Variants in CPLANE1 observed in about 807,000 individuals in gnomAD.
CPLANE1 encodes the protein ciliogenesis and planar polarity effector 1.
CPLANE1 carries 263 observed loss-of-function variants against 362.5 expected under a neutral mutation model. The observed-to-expected ratio is 0.73, with a 90% CI of 0.66 to 0.80. CPLANE1 has a LOEUF of 0.80. CPLANE1 is among the 30% of genes least tolerant of loss of function. CPLANE1 has a pLI of 0.00. For missense variants in CPLANE1, 3,461 were observed against 3,793.4 expected, an observed-to-expected ratio of 0.91 and a Z score of 2.30; for synonymous variants, 1,212 against 1,302.6, an observed-to-expected ratio of 0.93 and a Z score of 1.50.
In CPLANE1 at chr5:37,209,338, C is replaced by A; in HGVS notation, c.2921-2913G>T. On this transcript the variant is annotated intron_variant, in intron 16 of 52. Transcript: ENST00000651892. The surrounding 1 kb of genome is among the most constrained non-coding windows in gnomAD (Gnocchi z 4.6). ...TCGGGCCACGGCGGGGCGAGCGAGGCGGGCTCCGGAGGAAGCTGACGGCTG... is the reference window on the plus strand; with the variant it reads ...TCGGGCCACGGCGGGGCGAGCGAGGAGGGCTCCGGAGGAAGCTGACGGCTG... 2.2e-6 allele frequency: 2 copies of A among 901,664 alleles called. No homozygotes were observed. Among genetic ancestry groups the A allele is most frequent in the Non-Finnish European group, 1.9e-6 (1 of 535,750 alleles). The allele number at this position is 901,664 out of a possible 1,614,324, so 55.9% of individuals were successfully genotyped here. A position where few individuals can be genotyped will look rare whatever the true frequency, so the allele number is the denominator to read the frequency against.
In CPLANE1 at chr5:37,142,431, C is replaced by T. The variant is rs1770048594; in HGVS notation, c.8511G>A (p.Glu2837=). The T allele has an allele frequency of 6.2e-7, 1 of 1,608,170 alleles. No homozygotes were observed. Among genetic ancestry groups the T allele is most frequent in the Non-Finnish European group, 8.5e-7 (1 of 1,177,588 alleles). ...MDEEDQSDKK[E]TSEPEFSITE... Reference sequence around the variant, plus strand: ...TTATTGAAAATTCAGGTTCTGAAGTCTCCTTTTTGTCACTTTGATCTTCTT... The same window carrying T: ...TTATTGAAAATTCAGGTTCTGAAGTTTCCTTTTTGTCACTTTGATCTTCTT... Residue 2837 remains glutamate (E), a synonymous_variant, in exon 44 of 53, where the codon GAG becomes GAA. Transcript: ENST00000651892.
chr5:37,235,815 C>A (rs1317447493), intron 8 of CPLANE1, among the ~76,000 whole-genome samples: 1 of 151,564 alleles, frequency 6.6e-6, no homozygotes, highest in Non-Finnish European at 1.5e-5. Flanking sequence ...CGTGATCCGC[C>A]CACCTTGGCC....
intron 50 of CPLANE1, among the ~76,000 whole-genome samples, chr5:37,119,501 T>C (rs559394451): frequency 6.6e-6 from 1 of 151,704 alleles, no homozygotes; most frequent in African/African-American, 2.4e-5. Flanking sequence ...AGAAACCCCA[T>C]CTCTTCTAAA....
rs752126827 is a variant in CPLANE1, at chr5:37,169,037, T to C, written c.6987A>G (p.Gln2329=). ...GTTTTATAAACACTGAAGAGTCCTG[T>C]TGAGGTGTCAAATTTTCTTGTCCAA... ...QYVGQENLTP[Q]QDSSVFIKPE... The change falls in exon 34 of 53, where the codon CAA becomes CAG. Residue 2329 remains glutamine (Q), a synonymous_variant. Transcript: ENST00000651892. 3.1e-6 allele frequency: 5 copies of C among 1,614,206 alleles called. No homozygotes were observed. The highest frequency in any genetic ancestry group is 2.2e-5 in the East Asian group (1 of 44,890).
At chr5:37,111,132 T>C (rs1759156824) in intron 51 of CPLANE1, among the ~76,000 whole-genome samples, 1 of 142,366 alleles carries the variant, frequency 7.0e-6, no homozygotes, top group Non-Finnish European at 1.5e-5. Context: ...TATTCTTTTT[T>C]TGTTTTGAGA....
intron 43 of CPLANE1, among the ~76,000 whole-genome samples, chr5:37,144,714 G>A (rs925725517): frequency 9.2e-5 from 14 of 151,716 alleles, no homozygotes; most frequent in African/African-American, 2.7e-4. Context: ...AGCCGGGCGC[G>A]GTGGCGGGCA....
intron 12 of CPLANE1, among the ~76,000 whole-genome samples, chr5:37,225,744 C>T (rs1338217324): frequency 1.4e-5 from 2 of 146,626 alleles, no homozygotes; most frequent in South Asian, 2.2e-4. Flanking sequence ...CCCAGCTACT[C>T]GGGGGGCTGA....
At chr5:37,170,373 CAAAA>C in intron 32 of CPLANE1, 42 bp from the exon 33 acceptor site, 2 of 1,535,152 alleles carry the variant, frequency 1.3e-6, no homozygotes, top group South Asian at 1.2e-5. Context: ...TAAAATATAA[CAAAA>C]AGAATCTAAG....
At chr5:37,087,696 T>C in the CPLANE1 span, among the ~76,000 whole-genome samples, 5 of 152,170 alleles carry the variant, frequency 3.3e-5, no homozygotes, top group African/African-American at 1.2e-4. Flanking sequence ...GACCTCGTGA[T>C]CCACCCGCCT....
At chr5:37,119,238 A>G (rs1326376106) in intron 50 of CPLANE1, among the ~76,000 whole-genome samples, 2 of 152,190 alleles carry the variant, frequency 1.3e-5, no homozygotes, top group South Asian at 4.1e-4. Flanking sequence ...TAGCATTCCT[A>G]TTCTGTGATG....
chr5:37,225,223 TCC>T (rs1459297539), intron 12 of CPLANE1, among the ~76,000 whole-genome samples: 5 of 151,188 alleles, frequency 3.3e-5, no homozygotes, highest in Non-Finnish European at 7.4e-5. Flanking sequence ...CATCTCAGCC[TCC>T]CAGGTAGCTG....
intron 9 of CPLANE1, among the ~76,000 whole-genome samples, chr5:37,228,195 A>G (rs1329538167): frequency 6.6e-6 from 1 of 152,194 alleles, no homozygotes; most frequent in Non-Finnish European, 1.5e-5. Flanking sequence ...CTATCAGTAT[A>G]CTTTTTATTA....
At chr5:37,141,586 T>C (rs939105281) in intron 44 of CPLANE1, 1 of 958,860 alleles carries the variant, frequency 1.0e-6, no homozygotes, top group Admixed American at 6.2e-5. Flanking sequence ...TAAAATAGCA[T>C]TTTTACTGTT....
At chr5:37,156,005 A>C (rs1330723594) in intron 41 of CPLANE1, among the ~76,000 whole-genome samples, 2 of 152,216 alleles carry the variant, frequency 1.3e-5, no homozygotes, top group Non-Finnish European at 2.9e-5. Flanking sequence ...GAGAAGATGA[A>C]GGCTTTAAAA....
intron 9 of CPLANE1, among the ~76,000 whole-genome samples, chr5:37,230,069 G>C (rs1797371467): frequency 6.6e-6 from 1 of 151,912 alleles, no homozygotes; most frequent in Non-Finnish European, 1.5e-5. Flanking sequence ...CCAGCTACTT[G>C]GGAGGCTGAG....
Position 37,224,710 on chromosome 5 carries a change from T to C in CPLANE1, c.2322A>G (p.Lys774=), listed in dbSNP as rs770072253. 5.2e-6 allele frequency: 8 copies of C among 1,551,422 alleles called. 1 individual carries two copies. In the South Asian group the frequency reaches 8.3e-5, roughly 16 times the overall value. ...ATTGTGCTTGATACCATAAAGTTTT[T>C]TTGTACAGTATTCTCCAGAGAATAA... is the stretch of plus-strand genomic sequence containing the variant. ...RLLILWRILY[K]KTLWYQAQLN... Residue 774 remains lysine (K), a synonymous_variant, in exon 13 of 53, where the codon AAA becomes AAG. Transcript: ENST00000651892.
chr5:37,130,891 A>T (rs1176981212), intron 46 of CPLANE1, among the ~76,000 whole-genome samples: 1 of 152,254 alleles, frequency 6.6e-6, no homozygotes, highest in African/African-American at 2.4e-5. Context: ...GTCAGAAGTC[A>T]ACAAAATGGA....
At chr5:37,099,591 T>C in the CPLANE1 span, among the ~76,000 whole-genome samples, 1 of 152,228 alleles carries the variant, frequency 6.6e-6, no homozygotes, top group African/African-American at 2.4e-5. Context: ...TGAACAGTGC[T>C]GCAATGAACA....
intron 4 of CPLANE1, 70 bp from the exon 5 acceptor site, chr5:37,244,677 A>AT: frequency 2.3e-6 from 2 of 856,018 alleles, no homozygotes; most frequent in Non-Finnish European, 3.6e-6. Context: ...TACATAATTT[A>AT]TGTATTCTTA....
Sources: allele counts gnomAD v4.1 joint callset (sites outside exome capture counted in the v4.1 genomes callset), GRCh38; gene constraint gnomAD v4.1.1; non-coding constraint Gnocchi (gnomAD v3.1); transcripts MANE v1.5; gene names NCBI Gene and HGNC (gene_info 2026-07-23, HGNC 2026-07-21).